The following PTPRG variants were observed in gnomAD, a reference collection of about 807,000 sequenced individuals.
PTPRG encodes receptor-type tyrosine-protein phosphatase gamma.
Under a neutral mutation model 165.3 loss-of-function variants are expected in PTPRG, and 102 were observed. The ratio of observed to expected loss-of-function variants is 0.62; its 90% CI spans 0.53 to 0.73. PTPRG has a LOEUF of 0.73. Among genes scored for constraint, PTPRG ranks in the 30% least tolerant of loss-of-function variants. The probability of loss-of-function intolerance (pLI) is 0.00; values close to 1 mark genes in which losing one functional copy is unlikely to be tolerated. For synonymous variants in PTPRG, 675 were observed against 669.5 expected (o/e 1.01, Z -0.13); for missense variants, 1,866 against 1,861.4 (o/e 1.00, Z -0.05).
intron 5 of PTPRG, among the ~76,000 whole-genome samples, chr3:62,128,849 T>G (rs997336715): frequency 6.6e-6 from 1 of 151,632 alleles, no homozygotes; most frequent in African/African-American, 2.4e-5. Flanking sequence ...AAGTGGCAAA[T>G]TGATTGAAAC....
In PTPRG at chr3:62,203,986, C is replaced by G. The variant is rs1365960450; in HGVS notation, c.2155+36C>G. On this transcript the variant is annotated intron_variant, in intron 12 of 29. Transcript: ENST00000474889. The surrounding 1 kb of genome is among the most constrained non-coding windows in gnomAD (Gnocchi z 6.4). The stretch of plus-strand genomic sequence containing the variant: ...CAGGTCTTCTTCGAGGGTTCCTGCT[C>G]CTGTGAATAGTCGTACCCTTTTTCA... 6.6e-7 allele frequency: 1 copy of G among 1,517,820 alleles called. No homozygotes were observed. The highest frequency in any genetic ancestry group is 1.4e-5 in the African/African-American group (1 of 71,860). 94.0% of individuals were successfully genotyped at this position (1,517,820 alleles called of 1,614,324 possible).
chr3:62,216,193 C>G (rs1553652621), intron 12 of PTPRG, among the ~76,000 whole-genome samples: 2 of 145,254 alleles, frequency 1.4e-5, no homozygotes, highest in Non-Finnish European at 3.0e-5. Context: ...GCCTGGGTGA[C>G]AGAGTGAGAC....
intron 2 of PTPRG, chr3:61,769,333 T>C (rs2034134373): frequency 6.6e-6 from 1 of 152,130 alleles, no homozygotes; most frequent in South Asian, 2.1e-4. Context: ...CAGTATACTT[T>C]GGCCCAGTCA....
intron 4 of PTPRG, among the ~76,000 whole-genome samples, chr3:62,073,662 G>A (rs769705254): frequency 7.2e-5 from 11 of 151,940 alleles, no homozygotes; most frequent in South Asian, 2.1e-4. Flanking sequence ...TTGTATTTTT[G>A]TAGAGACAGG....
At chr3:61,788,745 C>T (rs545344613) in intron 2 of PTPRG, among the ~76,000 whole-genome samples, 8 of 152,322 alleles carry the variant, frequency 5.3e-5, no homozygotes, top group South Asian at 4.1e-4. Context: ...GTATAGTTTT[C>T]GTTGTAGCTG....
chr3:61,728,693 TA>T (rs2032363028), intron 1 of PTPRG, among the ~76,000 whole-genome samples: 1 of 152,114 alleles, frequency 6.6e-6, no homozygotes, highest in South Asian at 2.1e-4. Context: ...TTTTGTATCT[TA>T]TTATTTTATA....
intron 7 of PTPRG, among the ~76,000 whole-genome samples, chr3:62,161,921 T>G (rs1398987758): frequency 6.6e-6 from 1 of 152,148 alleles, no homozygotes; most frequent in Non-Finnish European, 1.5e-5. Flanking sequence ...TGACCTTAGG[T>G]GAGATTTTCC....
At chr3:62,268,854 C>A (rs1239185633) in intron 19 of PTPRG, among the ~76,000 whole-genome samples, 181 bp from the exon 20 acceptor site, 1 of 152,120 alleles carries the variant, frequency 6.6e-6, no homozygotes, top group Non-Finnish European at 1.5e-5. Flanking sequence ...CAAACTTATC[C>A]CAAGCCATCA....
At chr3:61,763,263 A>G (rs1559598681) in intron 2 of PTPRG, among the ~76,000 whole-genome samples, 1 of 150,858 alleles carries the variant, frequency 6.6e-6, no homozygotes, top group Non-Finnish European at 1.5e-5. Context: ...TTTGAGACGG[A>G]GTCTCACCCT....
At chr3:61,854,600 A>G (rs1053827920) in intron 2 of PTPRG, among the ~76,000 whole-genome samples, 5 of 152,188 alleles carry the variant, frequency 3.3e-5, no homozygotes, top group African/African-American at 1.2e-4. Flanking sequence ...GGTGCACTGT[A>G]ATATACATGC....
chr3:61,833,249 C>G (rs1000589332), intron 2 of PTPRG, among the ~76,000 whole-genome samples: 1 of 152,148 alleles, frequency 6.6e-6, no homozygotes, highest in Non-Finnish European at 1.5e-5. Context: ...TAAATATATA[C>G]TATAGGACTT....
intron 1 of PTPRG, among the ~76,000 whole-genome samples, chr3:61,691,687 C>G (rs2030223044): frequency 6.6e-6 from 1 of 152,146 alleles, no homozygotes; most frequent in Admixed American, 6.6e-5. Flanking sequence ...TATGGATAAA[C>G]AAATTTTGGA....
At position 62,168,114 on chromosome 3, in the gene PTPRG, C is replaced by T. The variant is rs747299296; in HGVS notation, c.984C>T (p.His328=). The T allele has an allele frequency of 3.3e-5, 53 of 1,613,900 alleles. No individual in the cohort carries two copies. The highest frequency in any genetic ancestry group is 4.2e-5 in the Non-Finnish European group (49 of 1,179,984). ...CCGCCGTCCGTGACTCCTGGAACCA[C>T]GACATGACAGACTTCTTAGAAAACC... ...SKSAVRDSWN[H]DMTDFLENPL... Residue 328 remains histidine, a synonymous_variant, in exon 8 of 30, where the codon CAC becomes CAT. Coordinates refer to ENST00000474889, the MANE Select transcript of PTPRG (RefSeq NM_002841.4).
intron 2 of PTPRG, among the ~76,000 whole-genome samples, chr3:61,873,837 G>C (rs539791799): frequency 9.9e-5 from 15 of 151,626 alleles, no homozygotes; most frequent in Non-Finnish European, 1.9e-4. Flanking sequence ...CTGGGTTTAT[G>C]TCCCAGCTCT....
At chr3:61,674,065 A>G (rs953318824) in intron 1 of PTPRG, among the ~76,000 whole-genome samples, 1 of 152,012 alleles carries the variant, frequency 6.6e-6, no homozygotes, top group African/African-American at 2.4e-5. Context: ...TAGCATTAGG[A>G]GAAATACCTA....
chr3:61,795,200 A>G (rs1368940912), intron 2 of PTPRG, among the ~76,000 whole-genome samples: 1 of 152,144 alleles, frequency 6.6e-6, no homozygotes, highest in Non-Finnish European at 1.5e-5. Flanking sequence ...TGGGGCTGGG[A>G]TTTCAGTCAT....
intron 1 of PTPRG, among the ~76,000 whole-genome samples, chr3:61,734,575 G>A (rs1452042611): frequency 6.6e-6 from 1 of 152,180 alleles, no homozygotes; most frequent in Non-Finnish European, 1.5e-5. Context: ...ATTTGTTCCA[G>A]AGTATTTTAC....
rs182776801 is a variant in PTPRG at position 62,287,413 on chromosome 3, T to C, written c.4055+4544T>C. Among the ~76,000 whole-genome samples, 100 of 152,180 alleles carry C rather than the reference T, an allele frequency of 6.6e-4. 2 individuals carry two copies. The highest frequency in any genetic ancestry group is 2.4e-3 in the African/African-American group (99 of 41,532). On this transcript the variant is annotated intron_variant, in intron 28 of 29. Transcript: ENST00000474889. The stretch of plus-strand genomic sequence containing the variant: ...CATAATAGGGTATTAAAATATATCC[T>C]CAGAGATCTAAAGGAAGATTTTATG...
At chr3:62,134,888 G>A (rs1434612797) in intron 6 of PTPRG, among the ~76,000 whole-genome samples, 3 of 152,150 alleles carry the variant, frequency 2.0e-5, no homozygotes, top group Admixed American at 6.5e-5. Context: ...AGCCCATGTG[G>A]GTATTGCCTT....
Sources: gnomAD v4.1 joint callset for allele counts (sites outside exome capture counted in the v4.1 genomes callset) on GRCh38, gnomAD v4.1.1 for gene constraint, Gnocchi (gnomAD v3.1) non-coding constraint, MANE v1.5 for transcripts, NCBI Gene and HGNC (gene_info 2026-07-23, HGNC 2026-07-21) for gene names.